RBFOX1: variants seen among roughly 807,000 people sequenced by gnomAD.
RBFOX1 encodes the protein RNA binding protein fox-1 homolog 1.
Under a neutral mutation model 57.7 loss-of-function variants are expected in RBFOX1, and 8 were observed. The ratio of observed to expected loss-of-function variants is 0.14; its 90% CI spans 0.08 to 0.25. RBFOX1 has a LOEUF of 0.25. RBFOX1 is among the 10% of genes least tolerant of loss of function. RBFOX1 has a pLI of 1.00. For synonymous variants in RBFOX1, 326 were observed against 222.4 expected, an observed-to-expected ratio of 1.47 and a Z score of -4.15; for missense variants, 611 against 548.5, an observed-to-expected ratio of 1.11 and a Z score of -1.14.
chr16:6,613,692 A>C (rs2154027583), intron 2 of RBFOX1, among the ~76,000 whole-genome samples: 1 of 152,296 alleles, frequency 6.6e-6, no homozygotes, highest in South Asian at 2.1e-4. Context: ...TAAAAAAGGT[A>C]GATAAGTACC....
At chr16:5,969,298 C>CTTTTTTTTTTTTTTTT (rs71142659) in intron 4 of RBFOX1, among the ~76,000 whole-genome samples, 3 of 83,750 alleles carry the variant, frequency 3.6e-5, no homozygotes, top group Non-Finnish European at 6.3e-5. Context: ...TTCGGTTGTT[C>CTTTTTTTTTTTTTTTT]TTTTTTTTTT....
At chr16:6,535,692 T>G (rs1199546544) in intron 2 of RBFOX1, among the ~76,000 whole-genome samples, 1 of 152,222 alleles carries the variant, frequency 6.6e-6, no homozygotes, top group African/African-American at 2.4e-5. Flanking sequence ...TGGACATTTT[T>G]GAGGCTTTAA....
At chr16:6,946,676 C>G (rs922668353) in intron 3 of RBFOX1, among the ~76,000 whole-genome samples, 5 of 151,488 alleles carry the variant, frequency 3.3e-5, no homozygotes, top group Admixed American at 2.6e-4. Flanking sequence ...GATCACAGTT[C>G]ACTGCAATCT....
At chr16:6,119,017 T>G (rs2096528531) in intron 1 of RBFOX1, among the ~76,000 whole-genome samples, 1 of 151,382 alleles carries the variant, frequency 6.6e-6, no homozygotes, top group African/African-American at 2.4e-5. Context: ...TCCTCAGGTT[T>G]TTTTTTTTTT....
chr16:6,772,334 G>A lies in RBFOX1; in HGVS notation c.-16+117684G>A, dbSNP rs186037091. The stretch of plus-strand genomic sequence containing the variant: ...AGGATCGATTGTGCTCAAACAGTGA[G>A]CTATCCAAATAATTTATTTATGCAG... On this transcript the variant is annotated intron_variant, in intron 3 of 15. Coordinates refer to ENST00000550418, the MANE Select transcript of RBFOX1 (RefSeq NM_018723.4). 3.7e-3 allele frequency among the ~76,000 whole-genome samples: 571 copies of A among 152,286 alleles called. 2 individuals are homozygous for A. Among genetic ancestry groups the A allele is most frequent in the Non-Finnish European group, 5.9e-3 (398 of 68,026 alleles).
chr16:6,272,855 T>C (rs2075350204), intron 1 of RBFOX1, among the ~76,000 whole-genome samples: 2 of 152,306 alleles, frequency 1.3e-5, no homozygotes, highest in South Asian at 2.1e-4. Flanking sequence ...TTTCAACATA[T>C]GGTACTAGAG....
intron 3 of RBFOX1, among the ~76,000 whole-genome samples, chr16:6,914,148 A>G (rs1254237410): frequency 6.6e-6 from 1 of 152,240 alleles, no homozygotes; most frequent in Admixed American, 6.5e-5. Context: ...AAATACGAAC[A>G]TAATGAGTGC....
intron 3 of RBFOX1, among the ~76,000 whole-genome samples, chr16:6,715,643 C>T (rs141656166): frequency 7.2e-5 from 11 of 152,196 alleles, no homozygotes; most frequent in Admixed American, 2.6e-4. Flanking sequence ...ATCTCCTATC[C>T]GGATAAAGAT....
At chr16:5,648,808 A>C (rs985680262) in intron 3 of RBFOX1, among the ~76,000 whole-genome samples, 1 of 152,216 alleles carries the variant, frequency 6.6e-6, no homozygotes, top group African/African-American at 2.4e-5. Context: ...TCATGCCTGT[A>C]ATCCCAGCAC....
At chr16:6,079,433 T>C (rs2095964363) in intron 1 of RBFOX1, among the ~76,000 whole-genome samples, 1 of 152,250 alleles carries the variant, frequency 6.6e-6, no homozygotes, top group African/African-American at 2.4e-5. Context: ...TACTTCAGCC[T>C]CCTGAGTAGC....
intron 4 of RBFOX1, among the ~76,000 whole-genome samples, chr16:7,371,743 T>A (rs1293913821): frequency 6.6e-6 from 1 of 151,976 alleles, no homozygotes; most frequent in Non-Finnish European, 1.5e-5. Flanking sequence ...AGAGCAAAAC[T>A]CTATCTGCAA....
intron 3 of RBFOX1, among the ~76,000 whole-genome samples, chr16:6,949,464 C>G (rs1273933431): frequency 2.6e-5 from 4 of 152,204 alleles, no homozygotes; most frequent in Non-Finnish European, 4.4e-5. Flanking sequence ...GATTTGTTTT[C>G]TTACCCTTCT....
Position 7,015,880 on chromosome 16 carries a change from C to G in RBFOX1, c.-15-36177C>G, listed in dbSNP as rs188240925. The stretch of plus-strand genomic sequence containing the variant: ...TAAATTTACTTGGCTTTAATTACAT[C>G]TATAGAGGTAAGCAACGTGTTTCAG... On this transcript the variant is annotated intron_variant, in intron 3 of 15. Coordinates refer to ENST00000550418, the MANE Select transcript of RBFOX1 (RefSeq NM_018723.4). Among the ~76,000 whole-genome samples, 395 of 151,842 alleles carry G rather than the reference C, an allele frequency of 2.6e-3. 3 individuals are homozygous for G. The highest frequency in any genetic ancestry group is 9.3e-3 in the African/African-American group (387 of 41,410).
At chr16:6,981,218 G>T (rs1018121300) in intron 3 of RBFOX1, among the ~76,000 whole-genome samples, 5 of 151,748 alleles carry the variant, frequency 3.3e-5, no homozygotes, top group Admixed American at 2.0e-4. Context: ...TCATCACCCA[G>T]GTATTAAGCC....
chr16:7,132,716 A>T (rs554300149), intron 4 of RBFOX1, among the ~76,000 whole-genome samples: 3 of 152,170 alleles, frequency 2.0e-5, no homozygotes, highest in Non-Finnish European at 4.4e-5. Context: ...ATGCTAAGCG[A>T]AATCAACCAG....
intron 4 of RBFOX1, among the ~76,000 whole-genome samples, chr16:7,324,250 G>A (rs78646852): frequency 2.0e-5 from 3 of 152,088 alleles, no homozygotes; most frequent in Non-Finnish European, 4.4e-5. Context: ...GAAAATAATA[G>A]GCAGAAAGCT....
intron 4 of RBFOX1, among the ~76,000 whole-genome samples, chr16:5,869,712 A>G (rs1176463414): frequency 6.6e-6 from 1 of 152,096 alleles, no homozygotes; most frequent in Non-Finnish European, 1.5e-5. Context: ...TGTTCACAAG[A>G]TATTTCTTAT....
At chr16:6,649,928 C>T (rs1027458100) in intron 2 of RBFOX1, among the ~76,000 whole-genome samples, 1 of 152,020 alleles carries the variant, frequency 6.6e-6, no homozygotes, top group Non-Finnish European at 1.5e-5. Context: ...GGCCTTTGGG[C>T]TGGTTCCATA....
intron 2 of RBFOX1, among the ~76,000 whole-genome samples, chr16:6,517,866 A>G (rs1217241554): frequency 6.6e-6 from 1 of 152,174 alleles, no homozygotes; most frequent in Non-Finnish European, 1.5e-5. Context: ...TATGAGAAAT[A>G]AATGTCTTAT....
Sources: gnomAD v4.1 joint callset for allele counts (sites outside exome capture counted in the v4.1 genomes callset) on GRCh38, gnomAD v4.1.1 for gene constraint, MANE v1.5 for transcripts, NCBI Gene and HGNC (gene_info 2026-07-23, HGNC 2026-07-21) for gene names.